Variants in DNAH11 observed in about 807,000 individuals in gnomAD.
The protein encoded by DNAH11 is dynein axonemal heavy chain 11, also known as axonemal beta dynein heavy chain 11.
A neutral mutation model predicts 526.0 loss-of-function variants in DNAH11; 442 were observed. That is an observed-to-expected ratio of 0.84 (90% CI 0.78 to 0.91). The LOEUF is 0.91. Among genes scored for constraint, DNAH11 ranks in the 40% least tolerant of loss-of-function variants. The probability of loss-of-function intolerance (pLI) is 0.00; values close to 1 mark genes in which losing one functional copy is unlikely to be tolerated. For synonymous variants in DNAH11, 2,461 were observed against 1,935.9 expected, an observed-to-expected ratio of 1.27 and a Z score of -7.12; for missense variants, 6,989 against 5,448.7, an observed-to-expected ratio of 1.28 and a Z score of -8.90.
rs541857348 is a variant in DNAH11 at position 21,770,419 on chromosome 7, G to C, written c.9103-3347G>C. On this transcript the variant is annotated intron_variant, in intron 55 of 81. Coordinates refer to ENST00000409508, the MANE Select transcript of DNAH11 (RefSeq NM_001277115.2). Reference sequence around the variant, plus strand: ...AGGTCATATGTGGAATTTTCCACCTGTGGTGTTAAATTCACACTCAGAAAG... The same window carrying C: ...AGGTCATATGTGGAATTTTCCACCTCTGGTGTTAAATTCACACTCAGAAAG... Among the ~76,000 whole-genome samples, 148 of 152,316 alleles carry C rather than the reference G, an allele frequency of 9.7e-4. 1 individual carries two copies. The highest frequency in any genetic ancestry group is 1.7e-3 in the Non-Finnish European group (119 of 68,028).
chr7:21,681,522 T>G (rs768115884), intron 30 of DNAH11, 24 bp from the exon 31 acceptor site: 2 of 1,608,610 alleles, frequency 1.2e-6, no homozygotes, highest in Non-Finnish European at 8.5e-7. Context: ...CCTTCTCTCC[T>G]TTTTAAAAAA....
chr7:21,793,552 G>C (rs976693417), intron 61 of DNAH11, among the ~76,000 whole-genome samples: 1 of 151,476 alleles, frequency 6.6e-6, no homozygotes. Context: ...GGAGGTGAAG[G>C]CTGCAGGGAG....
intron 9 of DNAH11, among the ~76,000 whole-genome samples, chr7:21,584,249 TAAA>T (rs1784410878): frequency 6.6e-6 from 1 of 152,112 alleles, no homozygotes; most frequent in South Asian, 2.1e-4. Context: ...TATGCAGCCA[TAAA>T]GAAGAATGAG....
Position 21,543,606 on chromosome 7 carries a change from G to C in DNAH11, c.351+10G>C. 6.3e-7 allele frequency: 1 copy of C among 1,576,980 alleles called. No homozygotes were observed. The highest frequency in any genetic ancestry group is 8.6e-7 in the Non-Finnish European group (1 of 1,160,836). On this transcript the variant is annotated intron_variant, in intron 1 of 81. Transcript: ENST00000409508. ...TGCGGCTTCCCAGGAGGTAAGAGGC[G>C]ACGGGCAAGGGGACCTGCCCATCCA...
chr7:21,879,045 T>C (rs550174418), intron 74 of DNAH11, among the ~76,000 whole-genome samples: 1 of 152,332 alleles, frequency 6.6e-6, no homozygotes, highest in South Asian at 2.1e-4. Flanking sequence ...AAATATGACT[T>C]TTAAGCCATA....
At chr7:21,684,593 A>G (rs533169689) in intron 32 of DNAH11, among the ~76,000 whole-genome samples, 4 of 152,354 alleles carry the variant, frequency 2.6e-5, no homozygotes, top group Admixed American at 2.6e-4. Context: ...ATGATGAGGA[A>G]TCAGTTATGC....
At chr7:21,896,884 C>G (rs910380454) in intron 79 of DNAH11, among the ~76,000 whole-genome samples, 2 of 152,022 alleles carry the variant, frequency 1.3e-5, no homozygotes, top group Non-Finnish European at 2.9e-5. Flanking sequence ...CATAATGAGA[C>G]CCTGTCTCTA....
In DNAH11 at chr7:21,709,002, A is replaced by G. The variant is rs897021926; in HGVS notation, c.6683+1167A>G. 2.0e-5 allele frequency among the ~76,000 whole-genome samples: 3 copies of G among 152,330 alleles called. No individual in the cohort carries two copies. The East Asian group carries it at 5.8e-4, about 29-fold the overall frequency. Reference sequence around the variant, plus strand: ...TTGGTGGGAAATAAGTTTAGTCACTATGGAAATTAGTTTGGAGATTTCTCA... The same window carrying G: ...TTGGTGGGAAATAAGTTTAGTCACTGTGGAAATTAGTTTGGAGATTTCTCA... On this transcript the variant is annotated intron_variant, in intron 40 of 81. Coordinates refer to ENST00000409508, the MANE Select transcript of DNAH11 (RefSeq NM_001277115.2).
intron 25 of DNAH11, among the ~76,000 whole-genome samples, chr7:21,621,596 C>G (rs1786059871): frequency 6.6e-6 from 1 of 151,996 alleles, no homozygotes; most frequent in African/African-American, 2.4e-5. Flanking sequence ...AAACTGAATC[C>G]AGCAGCACAT....
intron 45 of DNAH11, 57 bp downstream of exon 45, chr7:21,726,041 T>TA: frequency 1.4e-6 from 2 of 1,425,774 alleles, no homozygotes; most frequent in Non-Finnish European, 1.9e-6. Context: ...CTATAAAAAA[T>TA]ACCTGCAACT....
chr7:21,573,985 C>T (rs11980747), intron 8 of DNAH11, among the ~76,000 whole-genome samples: 13,283 of 152,174 alleles, frequency 0.087, 1,060 homozygotes, highest in East Asian at 0.29. Flanking sequence ...CCTTTATTGG[C>T]GTACCGAAAG....
At position 21,687,256 on chromosome 7, in the gene DNAH11, G is replaced by A. The variant is rs72657333; in HGVS notation, c.5778+1G>A. The A allele has an allele frequency of 4.0e-5, 63 of 1,570,372 alleles. 1 individual carries two copies. The highest frequency in any genetic ancestry group is 5.3e-5 in the Non-Finnish European group (61 of 1,158,800). The stretch of plus-strand genomic sequence containing the variant: ...CTGTTCAGAGCAAATGGACTACAAA[G>A]TAAGTTAGTAAGAGAATAATGTGTA... On this transcript the variant is annotated splice_donor_variant, in intron 33 of 81. Transcript: ENST00000409508. LOFTEE classifies it high-confidence loss of function.
intron 69 of DNAH11, among the ~76,000 whole-genome samples, chr7:21,863,857 A>G (rs1291125141): frequency 6.6e-6 from 1 of 152,198 alleles, no homozygotes; most frequent in Admixed American, 6.5e-5. Flanking sequence ...CCTTTTGAAG[A>G]TATCTGGAAT....
chr7:21,660,068 G>T (rs897792530), intron 30 of DNAH11, among the ~76,000 whole-genome samples: 1 of 152,068 alleles, frequency 6.6e-6, no homozygotes, highest in Non-Finnish European at 1.5e-5. Flanking sequence ...GGATTCAATT[G>T]AAAGAAGTGG....
At chr7:21,765,124 A>G (rs897773811) in intron 54 of DNAH11, among the ~76,000 whole-genome samples, 10 of 152,296 alleles carry the variant, frequency 6.6e-5, no homozygotes, top group Admixed American at 3.9e-4. Context: ...TTATAATGTT[A>G]CTTGTGTAAT....
At chr7:21,800,556 T>TG (rs1421820498) in intron 61 of DNAH11, among the ~76,000 whole-genome samples, 1 of 152,060 alleles carries the variant, frequency 6.6e-6, no homozygotes, top group East Asian at 1.9e-4. Flanking sequence ...CACTTGAACC[T>TG]GGGGGACAGA....
At chr7:21,547,677 C>G (rs1342632508) in intron 2 of DNAH11, among the ~76,000 whole-genome samples, 1 of 152,188 alleles carries the variant, frequency 6.6e-6, no homozygotes, top group Non-Finnish European at 1.5e-5. Context: ...TTTATCATGA[C>G]TTTCTACATG....
intron 25 of DNAH11, among the ~76,000 whole-genome samples, chr7:21,635,250 G>C (rs1055458652): frequency 6.6e-6 from 1 of 152,048 alleles, no homozygotes; most frequent in Non-Finnish European, 1.5e-5. Flanking sequence ...TCCGCCTCCC[G>C]GGTTCACACC....
intron 2 of DNAH11, among the ~76,000 whole-genome samples, chr7:21,550,420 T>G (rs1782977353): frequency 6.6e-6 from 1 of 152,200 alleles, no homozygotes; most frequent in African/African-American, 2.4e-5. Flanking sequence ...GAATTGATCC[T>G]TGGTTTCCAT....
Sources: allele counts gnomAD v4.1 joint callset (sites outside exome capture counted in the v4.1 genomes callset), GRCh38; gene constraint gnomAD v4.1.1; transcripts MANE v1.5; gene names NCBI Gene and HGNC (gene_info 2026-07-23, HGNC 2026-07-21).